PCDH9: variants seen among roughly 807,000 people sequenced by gnomAD.
The protein encoded by PCDH9 is protocadherin 9.
A neutral mutation model predicts 70.6 loss-of-function variants in PCDH9; 24 were observed. That is an observed-to-expected ratio of 0.34 (90% CI 0.25 to 0.48). The LOEUF is 0.48. Ranked by LOEUF, PCDH9 falls within the 20% of genes least tolerant of loss-of-function variation. The pLI, the probability that PCDH9 is intolerant of heterozygous loss-of-function variation, is 0.99. For missense variants in PCDH9, 1,281 were observed against 1,503.6 expected, an observed-to-expected ratio of 0.85 and a Z score of 2.45; for synonymous variants, 562 against 558.5, an observed-to-expected ratio of 1.01 and a Z score of -0.09.
chr13:67,193,470 A>G (rs1171498689), intron 2 of PCDH9, among the ~76,000 whole-genome samples: 1 of 152,042 alleles, frequency 6.6e-6, no homozygotes, highest in Non-Finnish European at 1.5e-5. Context: ...CATTATATTT[A>G]ACACAATAAA....
intron 2 of PCDH9, among the ~76,000 whole-genome samples, chr13:67,081,878 CT>C (rs2085990505): frequency 6.6e-6 from 1 of 152,020 alleles, no homozygotes; most frequent in Non-Finnish European, 1.5e-5. Flanking sequence ...AATGTTTCTT[CT>C]TTCTTAAAAT....
At chr13:66,984,678 C>T (rs1186036453) in intron 2 of PCDH9, among the ~76,000 whole-genome samples, 1 of 152,130 alleles carries the variant, frequency 6.6e-6, no homozygotes, top group Non-Finnish European at 1.5e-5. Context: ...AATCTATCTA[C>T]ATATGATGAA....
At chr13:66,507,085 G>A (rs1959228262) in intron 4 of PCDH9, among the ~76,000 whole-genome samples, 1 of 152,018 alleles carries the variant, frequency 6.6e-6, no homozygotes, top group Non-Finnish European at 1.5e-5. Flanking sequence ...CCAATACTCT[G>A]TTCTGTAACA....
intron 3 of PCDH9, among the ~76,000 whole-genome samples, chr13:66,802,850 G>A (rs926419377): frequency 6.6e-6 from 1 of 152,068 alleles, no homozygotes; most frequent in Admixed American, 6.6e-5. Flanking sequence ...TAAATAGGGT[G>A]ACAGTGGGGT....
intron 4 of PCDH9, among the ~76,000 whole-genome samples, chr13:66,470,468 C>CA (rs534641089): frequency 6.6e-6 from 1 of 152,098 alleles, no homozygotes; most frequent in Non-Finnish European, 1.5e-5. Flanking sequence ...CTGAAAATCT[C>CA]AAAGTGTTAA....
At chr13:66,796,319 C>A (rs1005353223) in intron 3 of PCDH9, among the ~76,000 whole-genome samples, 12 of 152,116 alleles carry the variant, frequency 7.9e-5, no homozygotes, top group African/African-American at 2.4e-4. Context: ...AAGTTGCAGA[C>A]CCTTGTCTGT....
chr13:66,588,706 A>G (rs1043032756), intron 4 of PCDH9, among the ~76,000 whole-genome samples: 12 of 151,962 alleles, frequency 7.9e-5, no homozygotes, highest in African/African-American at 2.9e-4. Context: ...GATTACATTT[A>G]GAGCTGTTAA....
chr13:66,784,256 G>A (rs1212068415), intron 3 of PCDH9, among the ~76,000 whole-genome samples: 1 of 152,048 alleles, frequency 6.6e-6, no homozygotes, highest in African/African-American at 2.4e-5. Context: ...CTAAATTTGG[G>A]TCAATAGGCT....
chr13:67,149,107 AC>A (rs1474479435), intron 2 of PCDH9, among the ~76,000 whole-genome samples: 2 of 152,202 alleles, frequency 1.3e-5, no homozygotes. Flanking sequence ...GCCCTTATAG[AC>A]CGACTACATG....
intron 3 of PCDH9, among the ~76,000 whole-genome samples, chr13:66,772,689 T>A (rs970234828): frequency 6.6e-6 from 1 of 152,084 alleles, no homozygotes; most frequent in Non-Finnish European, 1.5e-5. Context: ...AACATTTTAA[T>A]AAAATAAAAA....
At chr13:66,784,950 G>A (rs2080056816) in intron 3 of PCDH9, among the ~76,000 whole-genome samples, 1 of 151,836 alleles carries the variant, frequency 6.6e-6, no homozygotes, top group Non-Finnish European at 1.5e-5. Context: ...ACTTTAAAGG[G>A]TTCTTCTGCA....
intron 4 of PCDH9, among the ~76,000 whole-genome samples, chr13:66,367,224 A>T (rs925653645): frequency 1.2e-4 from 18 of 152,102 alleles, no homozygotes; most frequent in African/African-American, 4.3e-4. Context: ...TATTTTTCTA[A>T]TGCTTATCTA....
At position 66,416,032 on chromosome 13, in the gene PCDH9, G is replaced by A. The variant is rs140795180; in HGVS notation, c.3341-111004C>T. On this transcript the variant is annotated intron_variant, in intron 4 of 4. Transcript: ENST00000377865. The stretch of plus-strand genomic sequence containing the variant: ...AGACTACTGCAAAACATTAACAGAT[G>A]TGAAGCCAGAGGAATGCCTCATTAT... Among the ~76,000 whole-genome samples, 101 of 152,296 alleles carry A rather than the reference G, an allele frequency of 6.6e-4. 1 individual carries two copies. The highest frequency in any genetic ancestry group is 1.9e-3 in the African/African-American group (78 of 41,572).
chr13:67,150,595 A>C (rs764260208), intron 2 of PCDH9, among the ~76,000 whole-genome samples: 12 of 152,216 alleles, frequency 7.9e-5, no homozygotes, highest in Non-Finnish European at 1.3e-4. Context: ...TAAGTATTTT[A>C]AGTCATGTGA....
intron 2 of PCDH9, among the ~76,000 whole-genome samples, chr13:67,069,807 GA>G (rs780999854): frequency 3.3e-5 from 5 of 152,104 alleles, no homozygotes; most frequent in African/African-American, 4.8e-5. Context: ...AATTGATAAA[GA>G]ATTTTTGGTA....
At chr13:67,166,055 G>A (rs1056112608) in intron 2 of PCDH9, among the ~76,000 whole-genome samples, 2 of 152,084 alleles carry the variant, frequency 1.3e-5, no homozygotes, top group African/African-American at 4.8e-5. Context: ...GTCGTGGTGT[G>A]GAGTCAATTT....
Position 67,226,075 on chromosome 13 carries a change from C to A in PCDH9, c.2366G>T (p.Arg789Leu). ...GTCCAACGGGGTCTCCATAGTCCTG[C>A]GGATCAAGTCATAGATATAGGAGGC... ...GNASYIYDLI[R>L]RTMETPLDRN... Residue 789 changes from arginine (R) to leucine (L), a missense_variant, in exon 2 of 5, where the codon CGC becomes CTC. By Grantham distance (102) the Arg-to-Leu change is moderately radical. Around this residue, in one of 4 missense-constraint regions of PCDH9, gnomAD observed 798 missense variants for 1,003.1 expected, o/e 0.80. Transcript: ENST00000377865. The surrounding 1 kb of genome is among the most constrained non-coding windows in gnomAD (Gnocchi z 5.0). 1 of 1,613,988 alleles carries A rather than the reference C, an allele frequency of 6.2e-7. No individual in the cohort carries two copies. The highest frequency in any genetic ancestry group is 1.7e-5 in the Admixed American group (1 of 60,016).
intron 3 of PCDH9, among the ~76,000 whole-genome samples, chr13:66,797,148 A>C (rs1455218448): frequency 1.3e-5 from 2 of 152,112 alleles, no homozygotes; most frequent in Non-Finnish European, 2.9e-5. Flanking sequence ...CAGGTTACAG[A>C]GTTCTTTTGA....
intron 2 of PCDH9, among the ~76,000 whole-genome samples, chr13:67,124,810 T>TC (rs1208629451): frequency 1.3e-5 from 2 of 152,146 alleles, no homozygotes; most frequent in African/African-American, 4.8e-5. Context: ...ATACAATGAA[T>TC]CAGGAGTGAG....
Sources: allele counts gnomAD v4.1 joint callset (sites outside exome capture counted in the v4.1 genomes callset), GRCh38; gene constraint gnomAD v4.1.1; regional missense constraint gnomAD v4.1.1; non-coding constraint Gnocchi (gnomAD v3.1); transcripts MANE v1.5; gene names NCBI Gene and HGNC (gene_info 2026-07-23, HGNC 2026-07-21).